The following TAX1BP1 variants were observed in gnomAD, a reference collection of about 807,000 sequenced individuals.
TAX1BP1 encodes Tax1 binding protein 1, also known as tax1-binding protein 1.
A neutral mutation model predicts 97.7 loss-of-function variants in TAX1BP1; 62 were observed. The observed-to-expected ratio is 0.63, with a 90% CI of 0.52 to 0.78. The LOEUF (loss-of-function observed/expected upper bound fraction) is 0.78, where lower values mean the gene tolerates loss of function less well. Ranked by LOEUF, TAX1BP1 falls within the 30% of genes least tolerant of loss-of-function variation. The probability of loss-of-function intolerance (pLI) is 0.00; values close to 1 mark genes in which losing one functional copy is unlikely to be tolerated. For missense variants in TAX1BP1, 867 were observed against 916.1 expected, an observed-to-expected ratio of 0.95 and a Z score of 0.69; for synonymous variants, 340 against 304.2, an observed-to-expected ratio of 1.12 and a Z score of -1.23.
chr7:27,829,071 C>CT lies in TAX1BP1; in HGVS notation c.*245dup, dbSNP rs1164497135. ...AAAAAAAGTTCTTGTGTGTTCGTAT[C>CT]TTTATTTATTCCCTAGTTTGCAGAA... On this transcript the variant is annotated 3_prime_UTR_variant, in exon 17 of 17. Coordinates refer to ENST00000396319, the MANE Select transcript of TAX1BP1 (RefSeq NM_006024.7). 9 of 380,286 alleles carry CT rather than the reference C, an allele frequency of 2.4e-5. No individual in the cohort carries two copies. The highest frequency in any genetic ancestry group is 4.2e-5 in the Admixed American group (1 of 23,688). 23.6% of individuals were successfully genotyped at this position (380,286 alleles called of 1,614,324 possible). A position where few individuals can be genotyped will look rare whatever the true frequency, so the allele number is the denominator to read the frequency against.
intron 15 of TAX1BP1, among the ~76,000 whole-genome samples, chr7:27,819,186 C>G (rs1790884314): frequency 6.6e-6 from 1 of 151,794 alleles, no homozygotes; most frequent in Non-Finnish European, 1.5e-5. Context: ...GTTGCAGTTT[C>G]TAAGAACTGC....
At chr7:27,751,376 A>C (rs1324181197) in intron 2 of TAX1BP1, among the ~76,000 whole-genome samples, 1 of 152,186 alleles carries the variant, frequency 6.6e-6, no homozygotes, top group African/African-American at 2.4e-5. Context: ...GTATATAGCT[A>C]CATGTAATAA....
At chr7:27,771,905 A>G (rs1345189982) in intron 5 of TAX1BP1, 3 of 151,968 alleles carry the variant, frequency 2.0e-5, no homozygotes, top group Non-Finnish European at 4.4e-5. Context: ...AGCTATTATT[A>G]TTTTACTGTT....
intron 13 of TAX1BP1, among the ~76,000 whole-genome samples, chr7:27,812,921 C>T (rs1477579144): frequency 6.6e-6 from 1 of 152,156 alleles, no homozygotes; most frequent in Non-Finnish European, 1.5e-5. Context: ...CATGCCCATT[C>T]ATGTAGGTAT....
At chr7:27,784,908 T>C (rs978630808) in intron 5 of TAX1BP1, among the ~76,000 whole-genome samples, 3 of 151,966 alleles carry the variant, frequency 2.0e-5, no homozygotes, top group African/African-American at 7.2e-5. Context: ...ACCTGAGCTG[T>C]GATTGTGCCA....
intron 3 of TAX1BP1, among the ~76,000 whole-genome samples, chr7:27,760,646 G>C (rs761637659): frequency 3.3e-5 from 5 of 152,046 alleles, no homozygotes; most frequent in Non-Finnish European, 7.4e-5. Context: ...CGCCCGCCTC[G>C]GCTTCCCAAA....
intron 1 of TAX1BP1, among the ~76,000 whole-genome samples, chr7:27,745,436 A>AT (rs58690283): frequency 0.44 from 67,462 of 152,010 alleles, 15,282 homozygotes; most frequent in East Asian, 0.65. Context: ...AAATGGGTTG[A>AT]TAATGACATA....
chr7:27,826,334 T>C (rs1791177685), intron 15 of TAX1BP1, among the ~76,000 whole-genome samples: 1 of 152,198 alleles, frequency 6.6e-6, no homozygotes, highest in Non-Finnish European at 1.5e-5. Flanking sequence ...TTACCCCTTC[T>C]TTTACTTTTC....
intron 15 of TAX1BP1, among the ~76,000 whole-genome samples, chr7:27,821,457 C>G (rs1790970163): frequency 6.6e-6 from 1 of 151,730 alleles, no homozygotes; most frequent in South Asian, 2.1e-4. Flanking sequence ...ATGGCAAAAC[C>G]CCATCTCTAC....
chr7:27,770,810 T>C (rs191638643), intron 5 of TAX1BP1, among the ~76,000 whole-genome samples: 2 of 152,226 alleles, frequency 1.3e-5, no homozygotes, highest in East Asian at 3.9e-4. Context: ...AGTTAGAGGG[T>C]AAACATAATG....
chr7:27,765,939 C>G lies in TAX1BP1; in HGVS notation c.371C>G (p.Ser124Cys). The G allele has an allele frequency of 6.2e-7, 1 of 1,614,172 alleles. No individual in the cohort carries two copies. Among genetic ancestry groups the G allele is most frequent in the Non-Finnish European group, 8.5e-7 (1 of 1,180,026 alleles). Reference protein sequence around the residue: ...ASTPFQFRASSPVEELLTMED... With the variant: ...ASTPFQFRASCPVEELLTMED... ...ACACCTTTCCAGTTTCGAGCTTCTT[C>G]TCCAGTTGAAGAGCTGCTTACTATG... The change falls in exon 4 of 17, where the codon TCT (serine) becomes TGT (cysteine). Residue 124 changes from serine to cysteine, a missense_variant. This residue lies in a region of TAX1BP1 where 822 missense variants were observed against 851.4 expected (regional missense o/e 0.97). Coordinates refer to ENST00000396319, the MANE Select transcript of TAX1BP1 (RefSeq NM_006024.7).
chr7:27,789,023 CTT>C (rs1159509468), intron 8 of TAX1BP1, among the ~76,000 whole-genome samples: 3 of 151,974 alleles, frequency 2.0e-5, no homozygotes, highest in Admixed American at 1.3e-4. Flanking sequence ...TGTGAGAACT[CTT>C]GTTTCCCAAA....
In TAX1BP1 at chr7:27,796,219, G is replaced by A. The variant is rs147154541; in HGVS notation, c.1638G>A (p.Gln546=). The A allele has an allele frequency of 1.3e-6, 2 of 1,572,350 alleles. No individual in the cohort carries two copies. Among genetic ancestry groups the A allele is most frequent in the South Asian group, 1.2e-5 (1 of 82,550 alleles). ...ATAATAAATGTAAACAACTCTTGCA[G>A]GTAAGTTAACTACCTTGTAAGTGAA... The part of the protein sequence containing the change: ...EKYNKCKQLL[Q]DEKAKCNKYA... Residue 546 remains glutamine, a splice_region_variant and synonymous_variant, in exon 12 of 17, where the codon CAG becomes CAA. Transcript: ENST00000396319.
intron 1 of TAX1BP1, among the ~76,000 whole-genome samples, chr7:27,741,662 A>G (rs1787610180): frequency 1.3e-5 from 2 of 152,024 alleles, no homozygotes; most frequent in Non-Finnish European, 1.5e-5. Flanking sequence ...CACCACACTG[A>G]AGGGGTGGGT....
intron 5 of TAX1BP1, among the ~76,000 whole-genome samples, chr7:27,778,003 A>G (rs1583696281): frequency 2.0e-5 from 3 of 152,192 alleles, no homozygotes; most frequent in South Asian, 2.1e-4. Context: ...ATCAGGAGAA[A>G]TGTTTATTTA....
chr7:27,826,764 T>C (rs1042663790), intron 15 of TAX1BP1, among the ~76,000 whole-genome samples: 2 of 152,212 alleles, frequency 1.3e-5, no homozygotes, highest in African/African-American at 4.8e-5. Flanking sequence ...TGCACAAATT[T>C]TTAGAAGTCT....
chr7:27,812,478 C>T (rs1414464973), intron 13 of TAX1BP1, among the ~76,000 whole-genome samples: 1 of 152,044 alleles, frequency 6.6e-6, no homozygotes. Flanking sequence ...AAAGCAAAAG[C>T]CTTGAATTTT....
intron 2 of TAX1BP1, among the ~76,000 whole-genome samples, chr7:27,750,918 C>T (rs767150397): frequency 2.0e-5 from 3 of 152,182 alleles, no homozygotes; most frequent in Non-Finnish European, 4.4e-5. Context: ...CATTCTTGTC[C>T]TCTAACCTTT....
rs771402922 is a variant in TAX1BP1, at chr7:27,829,023, C to T, written c.*194C>T. 489 of 467,684 alleles carry T rather than the reference C, an allele frequency of 1.0e-3. 7 individuals carry two copies. The highest frequency in any genetic ancestry group is 7.1e-3 in the Middle Eastern group (13 of 1,838). The allele number at this position is 467,684 out of a possible 1,614,324, so 29.0% of individuals were successfully genotyped here. A position where few individuals can be genotyped will look rare whatever the true frequency, so the allele number is the denominator to read the frequency against. On this transcript the variant is annotated 3_prime_UTR_variant, in exon 17 of 17. Transcript: ENST00000396319. ...CTTTGGCTTATCAATAAATTTTAAT[C>T]TCTGTTAATCTTACCTGCTTTAAAA...
Sources: gnomAD v4.1 joint callset for allele counts (sites outside exome capture counted in the v4.1 genomes callset) on GRCh38, gnomAD v4.1.1 for gene constraint, gnomAD v4.1.1 regional missense constraint, MANE v1.5 for transcripts, NCBI Gene and HGNC (gene_info 2026-07-23, HGNC 2026-07-21) for gene names.